CORIN: variants seen among roughly 807,000 people sequenced by gnomAD.
The protein encoded by CORIN is atrial natriuretic peptide-converting enzyme.
CORIN carries 117 observed loss-of-function variants against 125.3 expected under a neutral mutation model. The observed-to-expected ratio is 0.93, with a 90% CI of 0.80 to 1.09. The LOEUF (loss-of-function observed/expected upper bound fraction) is 1.09, where lower values mean the gene tolerates loss of function less well. Ranked by LOEUF, CORIN falls within the 50% of genes least tolerant of loss-of-function variation. CORIN has a pLI of 0.00. For synonymous variants in CORIN, 450 were observed against 466.4 expected (o/e 0.96, Z 0.45); for missense variants, 1,253 against 1,306.7 (o/e 0.96, Z 0.63).
In CORIN at chr4:47,782,201, G is replaced by A. The variant is rs539946715; in HGVS notation, c.409+4524C>T. 9.9e-4 allele frequency among the ~76,000 whole-genome samples: 149 copies of A among 150,684 alleles called. 2 individuals are homozygous for A. Among genetic ancestry groups the A allele is most frequent in the Middle Eastern group, 3.5e-3 (1 of 288 alleles). On this transcript the variant is annotated intron_variant, in intron 3 of 21. Coordinates refer to ENST00000273857, the MANE Select transcript of CORIN (RefSeq NM_006587.4). The stretch of plus-strand genomic sequence containing the variant: ...GGAGTTCAAGACCAGCCTGGCCAAC[G>A]TGGCAAAACCCTGTCTCTACTAAAA...
intron 10 of CORIN, among the ~76,000 whole-genome samples, chr4:47,666,669 T>C (rs1283170130): frequency 1.3e-5 from 2 of 152,078 alleles, no homozygotes. Context: ...TTAAAGTCCT[T>C]ATAAGAAGGA....
chr4:47,774,585 G>A (rs1044086518), intron 3 of CORIN, among the ~76,000 whole-genome samples: 1 of 152,128 alleles, frequency 6.6e-6, no homozygotes, highest in Non-Finnish European at 1.5e-5. Context: ...TTTTTGGTGA[G>A]GGATGTGGGA....
At chr4:47,744,303 A>C in intron 5 of CORIN, 99 bp downstream of exon 5, 1 of 1,144,516 alleles carries the variant, frequency 8.7e-7, no homozygotes, top group Non-Finnish European at 1.2e-6. Flanking sequence ...ACTTGGTTAA[A>C]ATTTATCAGA....
chr4:47,730,821 A>T (rs184612426), intron 5 of CORIN, among the ~76,000 whole-genome samples: 1 of 152,374 alleles, frequency 6.6e-6, no homozygotes, highest in Admixed American at 6.5e-5. Flanking sequence ...GGAAAGCCTT[A>T]GGAAACTTAG....
In CORIN at chr4:47,773,339, G is replaced by C. The variant is rs78114472; in HGVS notation, c.410-9753C>G. On this transcript the variant is annotated intron_variant, in intron 3 of 21. Coordinates refer to ENST00000273857, the MANE Select transcript of CORIN (RefSeq NM_006587.4). ...TGTTTTAAATTTCACCACTCATGAAGGTGATGAGATCTCAGTAGACTTTCA... is the reference window on the plus strand; with the variant it reads ...TGTTTTAAATTTCACCACTCATGAACGTGATGAGATCTCAGTAGACTTTCA... Among the ~76,000 whole-genome samples the C allele has an allele frequency of 7.1e-3, 1,079 of 152,254 alleles. 8 individuals carry two copies. The highest frequency in any genetic ancestry group is 0.011 in the Non-Finnish European group (749 of 68,004).
intron 4 of CORIN, among the ~76,000 whole-genome samples, chr4:47,756,035 T>G (rs1337738696): frequency 6.6e-6 from 1 of 152,158 alleles, no homozygotes; most frequent in Non-Finnish European, 1.5e-5. Flanking sequence ...TCTGCCACTG[T>G]GGAGCTTGTA....
intron 16 of CORIN, among the ~76,000 whole-genome samples, chr4:47,636,243 A>G (rs1357742011): frequency 1.3e-5 from 2 of 152,192 alleles, no homozygotes; most frequent in Non-Finnish European, 2.9e-5. Flanking sequence ...TATGACCCAG[A>G]CACACTGTTT....
At chr4:47,771,285 T>C (rs771591303) in intron 3 of CORIN, among the ~76,000 whole-genome samples, 1 of 152,062 alleles carries the variant, frequency 6.6e-6, no homozygotes. Flanking sequence ...TTCTAGATAA[T>C]TCACCTAAGA....
intron 1 of CORIN, among the ~76,000 whole-genome samples, chr4:47,820,064 G>C (rs1239724098): frequency 1.3e-5 from 2 of 152,152 alleles, no homozygotes; most frequent in African/African-American, 4.8e-5. Context: ...ACTCCGGAAA[G>C]TGTCACTTTC....
At chr4:47,829,026 T>C (rs918857749) in intron 1 of CORIN, among the ~76,000 whole-genome samples, 14 of 151,776 alleles carry the variant, frequency 9.2e-5, no homozygotes, top group South Asian at 4.2e-4. Flanking sequence ...GGCATGGTGG[T>C]GGGCGCCTGT....
rs1426369642 is a variant in CORIN, at chr4:47,653,656, G to A, written c.1740C>T (p.Cys580=). The A allele has an allele frequency of 6.2e-7, 1 of 1,613,280 alleles. No individual in the cohort carries two copies. The highest frequency in any genetic ancestry group is 1.7e-5 in the Admixed American group (1 of 59,954). Residue 580 remains cysteine (C), a synonymous_variant, in exon 13 of 22, where the codon TGC becomes TGT. Transcript: ENST00000273857. The part of the protein sequence containing the change: ...CLMPDEYVEE[C]SPSHFKCRSG... ...AGCGGCACTTGAAATGACTAGGTGA[G>A]CATTCTATTAAAAACAATATTACTG...
chr4:47,663,780 C>A (rs551033947), intron 11 of CORIN, among the ~76,000 whole-genome samples: 31 of 152,254 alleles, frequency 2.0e-4, no homozygotes, highest in African/African-American at 7.0e-4. Flanking sequence ...AGATTTAAAA[C>A]AGCTTTTTAA....
intron 1 of CORIN, among the ~76,000 whole-genome samples, chr4:47,826,183 G>A (rs888315070): frequency 6.6e-6 from 1 of 152,186 alleles, no homozygotes; most frequent in Non-Finnish European, 1.5e-5. Context: ...AAAAACCCTA[G>A]GAATGACTGC....
At chr4:47,640,024 G>A (rs1015958716) in intron 16 of CORIN, among the ~76,000 whole-genome samples, 3 of 152,050 alleles carry the variant, frequency 2.0e-5, no homozygotes, top group East Asian at 1.9e-4. Context: ...GTCAAATAAT[G>A]GATATGGGTT....
intron 4 of CORIN, among the ~76,000 whole-genome samples, chr4:47,748,103 C>T (rs1280095762): frequency 6.6e-6 from 1 of 152,180 alleles, no homozygotes; most frequent in Non-Finnish European, 1.5e-5. Flanking sequence ...AAGCTTTAAA[C>T]TGCTGGACCA....
rs1729521016 is a variant in CORIN, at chr4:47,762,636, G to A, written c.617+743C>T. Among the ~76,000 whole-genome samples, 10 of 152,166 alleles carry A rather than the reference G, an allele frequency of 6.6e-5. No homozygotes were observed. In the Middle Eastern group the frequency reaches 0.014, roughly 207 times the overall value. On this transcript the variant is annotated intron_variant, in intron 4 of 21. Coordinates refer to ENST00000273857, the MANE Select transcript of CORIN (RefSeq NM_006587.4). ...GAAGAACCACCCAACATCTATGTAT[G>A]GTTCACACTTGCTTTAAAGTATAAG...
At chr4:47,677,872 G>A in intron 9 of CORIN, 66 bp downstream of exon 9, 2 of 1,138,316 alleles carry the variant, frequency 1.8e-6, no homozygotes, top group Non-Finnish European at 2.7e-6. Context: ...CTTCAAATGT[G>A]TTCCTTTGTT....
intron 3 of CORIN, among the ~76,000 whole-genome samples, chr4:47,775,302 T>C (rs1402992583): frequency 6.6e-6 from 1 of 152,128 alleles, no homozygotes; most frequent in Non-Finnish European, 1.5e-5. Context: ...ATGTGCCATG[T>C]TGGTGTGCTG....
At chr4:47,794,014 G>GA (rs1199027711) in intron 2 of CORIN, among the ~76,000 whole-genome samples, 1 of 151,898 alleles carries the variant, frequency 6.6e-6, no homozygotes, top group Non-Finnish European at 1.5e-5. Flanking sequence ...AGTAGTTAAA[G>GA]AAAAAAAATT....
Sources: allele counts gnomAD v4.1 joint callset (sites outside exome capture counted in the v4.1 genomes callset), GRCh38; gene constraint gnomAD v4.1.1; transcripts MANE v1.5; gene names NCBI Gene and HGNC (gene_info 2026-07-23, HGNC 2026-07-21).